GSDMA: variants seen among roughly 807,000 people sequenced by gnomAD.
GSDMA encodes the protein gasdermin-A.
In GSDMA, 55 loss-of-function variants were observed where a neutral mutation model predicts 54.3. The ratio of observed to expected loss-of-function variants is 1.01; its 90% CI spans 0.82 to 1.27. GSDMA has a LOEUF of 1.27. GSDMA is among the 50% of genes most tolerant of loss of function. The probability of loss-of-function intolerance (pLI) is 0.00; values close to 1 mark genes in which losing one functional copy is unlikely to be tolerated. For synonymous variants in GSDMA, 211 were observed against 224.7 expected (o/e 0.94, Z 0.54); for missense variants, 542 against 542.6 (o/e 1.00, Z 0.01).
Position 39,973,804 on chromosome 17 carries a change from T to G in GSDMA, c.731-6T>G. ...TCTTATCTTTTTTTTTTCCTTTTTT[T>G]CTCAGTTATCCAGGCATCTGATGTT... On this transcript the variant is annotated splice_polypyrimidine_tract_variant and splice_region_variant and intron_variant, in intron 7 of 11. Transcript: ENST00000301659. The G allele has an allele frequency of 6.2e-7, 1 of 1,611,046 alleles. No individual in the cohort carries two copies. Among genetic ancestry groups the G allele is most frequent in the Non-Finnish European group, 8.5e-7 (1 of 1,178,392 alleles).
intron 3 of GSDMA, among the ~76,000 whole-genome samples, chr17:39,968,365 T>TTTG (rs1979771396): frequency 7.1e-6 from 1 of 139,924 alleles, no homozygotes; most frequent in Admixed American, 7.3e-5. Flanking sequence ...TTTTTTTTTT[T>TTTG]GAGACGGAGT....
chr17:39,970,407 A>G, intron 3 of GSDMA, 75 bp from the exon 4 acceptor site: 1 of 1,321,922 alleles, frequency 7.6e-7, no homozygotes, highest in Non-Finnish European at 1.0e-6. Flanking sequence ...CCTGGGAATG[A>G]CAGAAGGAAA....
At position 39,975,907 on chromosome 17, in the gene GSDMA, C is replaced by G; in HGVS notation, c.1022-17C>G. ...CTGCACCAGCAACACACATCTTTCT[C>G]TGCTTTTTTTCTCCAGAGCTAAGTG... On this transcript the variant is annotated splice_polypyrimidine_tract_variant and intron_variant, in intron 10 of 11. Transcript: ENST00000301659. 6.3e-7 allele frequency: 1 copy of G among 1,578,468 alleles called. No individual in the cohort carries two copies. Among genetic ancestry groups the G allele is most frequent in the Non-Finnish European group, 8.6e-7 (1 of 1,160,520 alleles).
rs758848213 is a variant in GSDMA at position 39,975,021 on chromosome 17, GGGGAATAAGGTCTTCATTTATAGACCT to G, written c.1021+8_1021+34del. 1 of 1,513,308 alleles carries G rather than the reference GGGGAATAAGGTCTTCATTTATAGACCT, an allele frequency of 6.6e-7. No homozygotes were observed. The highest frequency in any genetic ancestry group is 2.3e-5 in the East Asian group (1 of 44,278). The allele number at this position is 1,513,308 out of a possible 1,614,324, so 93.7% of individuals were successfully genotyped here. A position where few individuals can be genotyped will look rare whatever the true frequency, so the allele number is the denominator to read the frequency against. On this transcript the variant is annotated splice_region_variant and intron_variant, in intron 10 of 11. Transcript: ENST00000301659. ...TTCGTTGGAGCCCTAACAGGTAAGTGGGGAATAAGGTCTTCATTTATAGACCTTTTCAGTAATAGGAATGAATCACTT... is the reference window on the plus strand; with the variant it reads ...TTCGTTGGAGCCCTAACAGGTAAGTGTTTCAGTAATAGGAATGAATCACTT...
At chr17:39,969,945 C>G (rs1979853106) in intron 3 of GSDMA, among the ~76,000 whole-genome samples, 1 of 127,334 alleles carries the variant, frequency 7.9e-6, no homozygotes, top group Admixed American at 8.7e-5. Context: ...ATGATCAAAG[C>G]AAACAAATTT....
In GSDMA at chr17:39,970,601, C is replaced by T. The variant is rs1225274940; in HGVS notation, c.512C>T (p.Ala171Val). 6.3e-7 allele frequency: 1 copy of T among 1,593,156 alleles called. No individual in the cohort carries two copies. The change falls in exon 4 of 12, where the codon GCA (alanine) becomes GTA (valine). Residue 171 changes from alanine (A) to valine (V), a missense_variant. Physicochemically the swap from Ala to Val is moderately conservative, Grantham distance 64. Coordinates refer to ENST00000301659, the MANE Select transcript of GSDMA (RefSeq NM_178171.5). ...GTCACACTGGAGCGAGCCGGCAAGG[C>T]AGAGGCCTGCTTCTCCCTCCCCTTC... ...QEVTLERAGK[A>V]EACFSLPFFA...
intron 3 of GSDMA, among the ~76,000 whole-genome samples, chr17:39,970,175 G>C (rs1298307413): frequency 3.3e-5 from 5 of 152,170 alleles, no homozygotes; most frequent in East Asian, 1.9e-4. Flanking sequence ...GGAGGAAAAG[G>C]GGGTAAGAAG....
Position 39,974,980 on chromosome 17 carries a change from G to T in GSDMA, c.987G>T (p.Val329=). 1 of 1,612,920 alleles carries T rather than the reference G, an allele frequency of 6.2e-7. No individual in the cohort carries two copies. Among genetic ancestry groups the T allele is most frequent in the South Asian group, 1.1e-5 (1 of 90,858 alleles). The part of the protein sequence containing the change: ...PKDVLLSKEA[V]GAILYFVGAL... The stretch of plus-strand genomic sequence containing the variant: ...ATGTCCTGCTATCAAAGGAGGCCGT[G>T]GGCGCCATCCTCTATTTCGTTGGAG... The change falls in exon 10 of 12, where the codon GTG becomes GTT. Residue 329 remains valine (V), a synonymous_variant. Transcript: ENST00000301659.
rs1473237538 is a variant in GSDMA, at chr17:39,970,519, C to A, written c.430C>A (p.Gln144Lys). The A allele has an allele frequency of 6.3e-7, 1 of 1,590,668 alleles. No homozygotes were observed. Among genetic ancestry groups the A allele is most frequent in the Admixed American group, 1.7e-5 (1 of 57,656 alleles). The change falls in exon 4 of 12, where the codon CAA (glutamine) becomes AAA (lysine). Residue 144 changes from glutamine (Q) to lysine (K), a missense_variant. Physicochemically the swap from Gln to Lys is moderately conservative, Grantham distance 53. Transcript: ENST00000301659. ...AGACCACCCATTCCTGAAGGAGATG[C>A]AAGATCAAGGGGAGAACCTGTATGT... Reference protein sequence around the residue: ...AADHPFLKEMQDQGENLYVVM... With the variant: ...AADHPFLKEMKDQGENLYVVM...
intron 3 of GSDMA, among the ~76,000 whole-genome samples, chr17:39,968,192 A>T (rs1979754966): frequency 6.6e-6 from 1 of 151,678 alleles, no homozygotes; most frequent in Non-Finnish European, 1.5e-5. Context: ...CTCGTGAGCC[A>T]CCACACCCGG....
chr17:39,974,377 C>T lies in GSDMA; in HGVS notation c.856C>T (p.Leu286Phe), dbSNP rs369000767. 7 of 1,596,980 alleles carry T rather than the reference C, an allele frequency of 4.4e-6. No homozygotes were observed. The highest frequency in any genetic ancestry group is 1.8e-5 in the Admixed American group (1 of 57,008). ...AGGGCAAAGCTCCCTGCTCAGCTCC[C>T]TCAGCAAACTTCTAGGGAAGAAAAA... ...RVGQSSLLSS[L>F]SKLLGKKKEL... Residue 286 changes from leucine (L) to phenylalanine (F), a missense_variant, in exon 9 of 12, where the codon CTC (leucine) becomes TTC (phenylalanine). Coordinates refer to ENST00000301659, the MANE Select transcript of GSDMA (RefSeq NM_178171.5).
Position 39,965,960 on chromosome 17 carries a change from G to C in GSDMA, c.214+59G>C. 2.7e-6 allele frequency: 4 copies of C among 1,470,812 alleles called. No individual in the cohort carries two copies. The Admixed American group carries it at 7.9e-5, about 29-fold the overall frequency. The allele number at this position is 1,470,812 out of a possible 1,614,324, so 91.1% of individuals were successfully genotyped here. A position where few individuals can be genotyped will look rare whatever the true frequency, so the allele number is the denominator to read the frequency against. On this transcript the variant is annotated intron_variant, in intron 2 of 11. Transcript: ENST00000301659. The stretch of plus-strand genomic sequence containing the variant: ...ACTGAGGGACAGGGGCTGGGCACCT[G>C]GCCTGCAAGGAGGACCTCAAAGCTC...
chr17:39,967,826 C>A (rs1209952465), intron 3 of GSDMA, among the ~76,000 whole-genome samples: 2 of 152,118 alleles, frequency 1.3e-5, no homozygotes, highest in East Asian at 3.9e-4. Context: ...GTGCCCGCCA[C>A]TACGCCCGGA....
intron 5 of GSDMA, 128 bp downstream of exon 5, chr17:39,971,748 T>C (rs1979955261): frequency 1.0e-5 from 7 of 685,550 alleles, no homozygotes; most frequent in Non-Finnish European, 1.8e-5. Context: ...GTGATCCGAC[T>C]GCAGCCATGG....
chr17:39,975,235 GATC>G, intron 10 of GSDMA, among the ~76,000 whole-genome samples: 1 of 152,258 alleles, frequency 6.6e-6, no homozygotes, highest in East Asian at 1.9e-4. Context: ...GATCACCCGT[GATC>G]AAGAGTTCGA....
chr17:39,964,496 G>A (rs1353215555), intron 1 of GSDMA, among the ~76,000 whole-genome samples: 1 of 151,752 alleles, frequency 6.6e-6, no homozygotes, highest in Non-Finnish European at 1.5e-5. Flanking sequence ...TTGAATCTGA[G>A]AGGTGGAGAC....
intron 6 of GSDMA, among the ~76,000 whole-genome samples, 191 bp from the exon 7 acceptor site, chr17:39,972,396 G>T (rs1044391440): frequency 6.6e-6 from 1 of 152,162 alleles, no homozygotes; most frequent in East Asian, 1.9e-4. Flanking sequence ...GACAGAGACC[G>T]GAAGGCACAG....
chr17:39,966,543 T>C (rs1298997980), intron 3 of GSDMA, 106 bp downstream of exon 3: 5 of 1,035,784 alleles, frequency 4.8e-6, no homozygotes, highest in Non-Finnish European at 1.4e-6. Flanking sequence ...CACTGACCTT[T>C]GCCAATGTGG....
Position 39,975,920 on chromosome 17 carries a change from C to A in GSDMA, c.1022-4C>A. ...ACACATCTTTCTCTGCTTTTTTTCTCCAGAGCTAAGTGAAGCCCAACAGAA... is the reference window on the plus strand; with the variant it reads ...ACACATCTTTCTCTGCTTTTTTTCTACAGAGCTAAGTGAAGCCCAACAGAA... On this transcript the variant is annotated splice_polypyrimidine_tract_variant and splice_region_variant and intron_variant, in intron 10 of 11. Coordinates refer to ENST00000301659, the MANE Select transcript of GSDMA (RefSeq NM_178171.5). 1 of 1,591,488 alleles carries A rather than the reference C, an allele frequency of 6.3e-7. No homozygotes were observed. The highest frequency in any genetic ancestry group is 2.3e-5 in the East Asian group (1 of 44,090).
Sources: gnomAD v4.1 joint callset for allele counts (sites outside exome capture counted in the v4.1 genomes callset) on GRCh38, gnomAD v4.1.1 for gene constraint, MANE v1.5 for transcripts, NCBI Gene and HGNC (gene_info 2026-07-23, HGNC 2026-07-21) for gene names.